The following SCAMP1 variants were observed in gnomAD, a reference collection of about 807,000 sequenced individuals.
SCAMP1 encodes the protein secretory carrier-associated membrane protein 1.
In SCAMP1, 15 loss-of-function variants were observed where a neutral mutation model predicts 41.8. The observed-to-expected ratio is 0.36, with a 90% CI of 0.24 to 0.55. SCAMP1 has a LOEUF of 0.55. SCAMP1 is among the 20% of genes least tolerant of loss of function. The pLI, the probability that SCAMP1 is intolerant of heterozygous loss-of-function variation, is 0.86. For missense variants in SCAMP1, 341 were observed against 412.6 expected (o/e 0.83, Z 1.50); for synonymous variants, 135 against 136.8 (o/e 0.99, Z 0.09).
chr5:78,381,940 G>C lies in SCAMP1; in HGVS notation c.58-6897G>C, dbSNP rs796962568. On this transcript the variant is annotated intron_variant, in intron 1 of 8. Transcript: ENST00000621999. ...CCTCTAAAAATCTGAAATGGATAAA[G>C]GACAGAGGAAAGAGGTTGGAGGAAG... 3.4e-3 allele frequency among the ~76,000 whole-genome samples: 513 copies of C among 152,094 alleles called. 4 individuals carry two copies. Among genetic ancestry groups the C allele is most frequent in the African/African-American group, 0.012 (490 of 41,480 alleles).
chr5:78,374,303 A>T (rs1043079162), intron 1 of SCAMP1, among the ~76,000 whole-genome samples: 1 of 152,116 alleles, frequency 6.6e-6, no homozygotes, highest in Non-Finnish European at 1.5e-5. Flanking sequence ...GGCAGAAGGC[A>T]TATGTGTTGT....
At chr5:78,452,291 G>A (rs937497843) in intron 7 of SCAMP1, among the ~76,000 whole-genome samples, 2 of 143,984 alleles carry the variant, frequency 1.4e-5, no homozygotes, top group South Asian at 2.3e-4. Context: ...CCACTAACTC[G>A]TCATCTAGCA....
chr5:78,367,162 G>C (rs1355545269), intron 1 of SCAMP1, among the ~76,000 whole-genome samples: 1 of 152,116 alleles, frequency 6.6e-6, no homozygotes, highest in Non-Finnish European at 1.5e-5. Flanking sequence ...TTTTTAAAAA[G>C]CACATATTGA....
chr5:78,415,915 T>TAATA (rs1752198919), intron 3 of SCAMP1, among the ~76,000 whole-genome samples: 6 of 152,158 alleles, frequency 3.9e-5, no homozygotes, highest in Non-Finnish European at 4.4e-5. Flanking sequence ...AAGGTAAAAA[T>TAATA]GATGGAATAA....
intron 1 of SCAMP1, among the ~76,000 whole-genome samples, chr5:78,365,134 T>C (rs1036317544): frequency 6.6e-6 from 1 of 152,110 alleles, no homozygotes; most frequent in African/African-American, 2.4e-5. Context: ...TAATGTATAG[T>C]GGTTTTAATT....
chr5:78,458,210 C>T (rs1039038708), intron 7 of SCAMP1, among the ~76,000 whole-genome samples: 20 of 152,234 alleles, frequency 1.3e-4, no homozygotes, highest in African/African-American at 4.3e-4. Flanking sequence ...GGCTCCTCTC[C>T]GCATGTTTAG....
At chr5:78,444,941 C>T (rs1488684649) in intron 6 of SCAMP1, among the ~76,000 whole-genome samples, 2 of 152,204 alleles carry the variant, frequency 1.3e-5, no homozygotes, top group Non-Finnish European at 2.9e-5. Flanking sequence ...CAAAGTTACA[C>T]AACTTTAAGT....
Position 78,416,604 on chromosome 5 carries a change from G to T in SCAMP1, c.298G>T (p.Glu100Ter). The T allele has an allele frequency of 6.3e-7, 1 of 1,599,002 alleles. No individual in the cohort carries two copies. The highest frequency in any genetic ancestry group is 8.5e-7 in the Non-Finnish European group (1 of 1,172,462). Residue 100 changes from glutamate to a stop codon, truncating the protein, a stop_gained, in exon 4 of 9, where the codon GAA becomes TAA. Transcript: ENST00000621999. LOFTEE classifies it high-confidence loss of function. ...GGAAGAACTAGAAAGAAAAGCCGCA[G>T]AATTAGATCGTCGGGAACGAGAAAT... is the stretch of plus-strand genomic sequence containing the variant. ...RQEELERKAA[E>*]LDRREREMQN...
intron 1 of SCAMP1, chr5:78,370,868 C>T (rs1353389366): frequency 6.6e-6 from 1 of 152,104 alleles, no homozygotes; most frequent in African/African-American, 2.4e-5. Context: ...TTCTAGTCAT[C>T]CTAGTGGGGG....
chr5:78,387,087 A>T (rs950738029), intron 1 of SCAMP1, among the ~76,000 whole-genome samples: 1 of 152,136 alleles, frequency 6.6e-6, no homozygotes, highest in South Asian at 2.1e-4. Context: ...CTCGAGAACA[A>T]TTATTCTTAG....
chr5:78,448,501 A>AT (rs1452898125), intron 6 of SCAMP1, among the ~76,000 whole-genome samples: 11 of 152,250 alleles, frequency 7.2e-5, no homozygotes, highest in Non-Finnish European at 1.2e-4. Flanking sequence ...AAAATATTTT[A>AT]ATTAGTTCAT....
At chr5:78,367,961 A>AT (rs1161562411) in intron 1 of SCAMP1, among the ~76,000 whole-genome samples, 1 of 151,660 alleles carries the variant, frequency 6.6e-6, no homozygotes, top group Non-Finnish European at 1.5e-5. Context: ...TCCTTTATTT[A>AT]TTTTTTTCTA....
intron 1 of SCAMP1, among the ~76,000 whole-genome samples, chr5:78,383,023 C>T (rs1343041507): frequency 6.6e-6 from 1 of 152,112 alleles, no homozygotes; most frequent in African/African-American, 2.4e-5. Context: ...GGAATTTCCA[C>T]CCTGTTTTCC....
chr5:78,422,861 T>C (rs1752371501), intron 6 of SCAMP1, among the ~76,000 whole-genome samples: 2 of 152,244 alleles, frequency 1.3e-5, no homozygotes, highest in Admixed American at 1.3e-4. Flanking sequence ...ATTTCAACTC[T>C]CGTGAATAAG....
chr5:78,478,929 A>G lies in SCAMP1; in HGVS notation c.*3261A>G, dbSNP rs148681088. 1 of 152,262 alleles carries G rather than the reference A, an allele frequency of 6.6e-6. No individual in the cohort carries two copies. The highest frequency in any genetic ancestry group is 2.4e-5 in the African/African-American group (1 of 41,566). The allele number at this position is 152,262 out of a possible 1,614,324, so 9.4% of individuals were successfully genotyped here. ...TTATTCTGTAATTCATGTTAAGATTATGTATGGTTTGCATTTTAAGGGGAT... is the reference window on the plus strand; with the variant it reads ...TTATTCTGTAATTCATGTTAAGATTGTGTATGGTTTGCATTTTAAGGGGAT... On this transcript the variant is annotated 3_prime_UTR_variant, in exon 9 of 9. Transcript: ENST00000621999.
chr5:78,472,153 G>A (rs1053072310), intron 8 of SCAMP1, among the ~76,000 whole-genome samples: 1 of 152,050 alleles, frequency 6.6e-6, no homozygotes, highest in African/African-American at 2.4e-5. Context: ...TAAAAAGGCT[G>A]TGCAACTTGG....
intron 2 of SCAMP1, among the ~76,000 whole-genome samples, chr5:78,401,450 G>A (rs917966648): frequency 2.0e-5 from 3 of 152,090 alleles, no homozygotes; most frequent in East Asian, 1.9e-4. Context: ...CAGTGGATCC[G>A]TCTGGGCCTG....
At chr5:78,401,659 T>C (rs1306564163) in intron 2 of SCAMP1, among the ~76,000 whole-genome samples, 2 of 152,200 alleles carry the variant, frequency 1.3e-5, no homozygotes. Flanking sequence ...TTAATGTCTA[T>C]GGGACCTTAG....
At chr5:78,472,017 T>A (rs1356077023) in intron 8 of SCAMP1, among the ~76,000 whole-genome samples, 2 of 152,066 alleles carry the variant, frequency 1.3e-5, no homozygotes, top group Admixed American at 6.6e-5. Context: ...GTAGAAAAGA[T>A]AGTATTTAAG....
Sources: allele counts gnomAD v4.1 joint callset (sites outside exome capture counted in the v4.1 genomes callset), GRCh38; gene constraint gnomAD v4.1.1; transcripts MANE v1.5; gene names NCBI Gene and HGNC (gene_info 2026-07-23, HGNC 2026-07-21).